Variants in EYS observed in about 807,000 individuals in gnomAD.
The protein encoded by EYS is EGF-like photoreceptor maintenance factor, also known as protein eyes shut homolog.
EYS carries 250 observed loss-of-function variants against 282.1 expected under a neutral mutation model. The observed-to-expected ratio is 0.89, with a 90% CI of 0.80 to 0.98. The LOEUF is 0.98. Ranked by LOEUF, EYS falls within the 50% of genes least tolerant of loss-of-function variation. The probability of loss-of-function intolerance (pLI) is 0.00; values close to 1 mark genes in which losing one functional copy is unlikely to be tolerated. For missense variants in EYS, 4,016 were observed against 3,709.0 expected (o/e 1.08, Z -2.15); for synonymous variants, 1,355 against 1,282.9 (o/e 1.06, Z -1.20).
chr6:63,928,780 A>G (rs930807337), intron 35 of EYS, among the ~76,000 whole-genome samples: 5 of 152,174 alleles, frequency 3.3e-5, no homozygotes, highest in African/African-American at 1.2e-4. Context: ...ACTCAGCTTA[A>G]TGATACCCTA....
chr6:64,069,225 C>G (rs759931101), intron 32 of EYS, among the ~76,000 whole-genome samples: 1 of 151,958 alleles, frequency 6.6e-6, no homozygotes, highest in Admixed American at 6.6e-5. Context: ...TTAATGGTAA[C>G]TTGGTATAGC....
At chr6:64,715,836 T>A (rs1429235255) in intron 22 of EYS, among the ~76,000 whole-genome samples, 5 of 152,228 alleles carry the variant, frequency 3.3e-5, no homozygotes. Context: ...CTTGAATTCG[T>A]TGAGCAGGTT....
At chr6:63,793,191 C>T (rs1334188772) in intron 37 of EYS, among the ~76,000 whole-genome samples, 1 of 152,162 alleles carries the variant, frequency 6.6e-6, no homozygotes, top group African/African-American at 2.4e-5. Flanking sequence ...CATCATTACT[C>T]CTACTACTTT....
chr6:63,833,999 C>A (rs1182391853), intron 36 of EYS, among the ~76,000 whole-genome samples: 1 of 152,174 alleles, frequency 6.6e-6, no homozygotes, highest in Admixed American at 6.5e-5. Flanking sequence ...GGAAAACTGG[C>A]TAGCCATATG....
intron 40 of EYS, among the ~76,000 whole-genome samples, chr6:63,768,614 A>C (rs1452217930): frequency 6.6e-6 from 1 of 150,434 alleles, no homozygotes; most frequent in East Asian, 1.9e-4. Context: ...GGGCACACTT[A>C]CACATTGCTA....
At chr6:64,279,266 A>C (rs572739431) in intron 30 of EYS, among the ~76,000 whole-genome samples, 83 of 152,340 alleles carry the variant, frequency 5.4e-4, no homozygotes, top group Middle Eastern at 6.8e-3. Flanking sequence ...TACTCAGCAA[A>C]AAGAATATTT....
chr6:65,177,400 T>A (rs1216386366), intron 12 of EYS, among the ~76,000 whole-genome samples: 1 of 151,934 alleles, frequency 6.6e-6, no homozygotes, highest in African/African-American at 2.4e-5. Flanking sequence ...TCTAATGTGT[T>A]AGAATAAATA....
intron 18 of EYS, among the ~76,000 whole-genome samples, chr6:64,896,652 G>A (rs575586723): frequency 1.3e-5 from 2 of 151,738 alleles, no homozygotes; most frequent in East Asian, 2.0e-4. Flanking sequence ...AAGTGGTCTT[G>A]CTCAGCAGAT....
chr6:64,098,657 G>A (rs1431092526), intron 31 of EYS, among the ~76,000 whole-genome samples: 1 of 151,226 alleles, frequency 6.6e-6, no homozygotes, highest in African/African-American at 2.4e-5. Context: ...CTGGAGTGCG[G>A]TGGTGCCATC....
chr6:65,340,594 A>C (rs1278810648), intron 10 of EYS, among the ~76,000 whole-genome samples: 1 of 151,248 alleles, frequency 6.6e-6, no homozygotes, highest in South Asian at 2.1e-4. Flanking sequence ...GATTCTCAGT[A>C]TATTGTGCCA....
At chr6:64,997,773 TA>T (rs1771319719) in intron 13 of EYS, 70 bp from the exon 14 acceptor site, 1 of 1,374,754 alleles carries the variant, frequency 7.3e-7, no homozygotes, top group Non-Finnish European at 9.9e-7. Context: ...ATAATTAGTC[TA>T]AAATTCTATA....
intron 26 of EYS, among the ~76,000 whole-genome samples, chr6:64,578,184 C>A (rs895970864): frequency 6.6e-6 from 1 of 152,032 alleles, no homozygotes; most frequent in Non-Finnish European, 1.5e-5. Flanking sequence ...AATTTCACTT[C>A]TCTGCTTAAA....
intron 33 of EYS, among the ~76,000 whole-genome samples, chr6:64,030,134 A>G (rs565074877): frequency 6.6e-6 from 1 of 152,306 alleles, no homozygotes; most frequent in East Asian, 1.9e-4. Flanking sequence ...AGAGACAGAG[A>G]GACAGAAAGT....
intron 34 of EYS, among the ~76,000 whole-genome samples, chr6:63,988,428 C>T (rs1404727897): frequency 6.6e-6 from 1 of 151,574 alleles, no homozygotes; most frequent in Admixed American, 6.6e-5. Flanking sequence ...CATTAAAAAA[C>T]ACCCAAACAA....
intron 22 of EYS, among the ~76,000 whole-genome samples, chr6:64,663,859 T>C (rs746969964): frequency 2.0e-5 from 3 of 152,148 alleles, no homozygotes; most frequent in Non-Finnish European, 4.4e-5. Context: ...GTAAGTGTTA[T>C]AGCTCTATTA....
intron 28 of EYS, among the ~76,000 whole-genome samples, chr6:64,395,148 A>G (rs1243140214): frequency 6.6e-6 from 1 of 152,044 alleles, no homozygotes; most frequent in Non-Finnish European, 1.5e-5. Context: ...GCTGGAGAGG[A>G]TGTAGAGAAA....
At chr6:64,401,499 CA>C (rs1773535604) in intron 28 of EYS, among the ~76,000 whole-genome samples, 1 of 151,808 alleles carries the variant, frequency 6.6e-6, no homozygotes, top group Admixed American at 6.6e-5. Flanking sequence ...TTATAAACAT[CA>C]ACTTAGATTT....
chr6:63,847,987 A>G (rs994281826), intron 36 of EYS, among the ~76,000 whole-genome samples: 5 of 152,220 alleles, frequency 3.3e-5, no homozygotes, highest in African/African-American at 1.2e-4. Context: ...ACCGAGTGAT[A>G]TATACATAAT....
At chr6:63,890,330 T>C (rs1238746941) in intron 35 of EYS, among the ~76,000 whole-genome samples, 1 of 152,150 alleles carries the variant, frequency 6.6e-6, no homozygotes, top group Non-Finnish European at 1.5e-5. Flanking sequence ...TATTCTAAAA[T>C]TGACCACATA....
Sources: gnomAD v4.1 joint callset for allele counts (sites outside exome capture counted in the v4.1 genomes callset) on GRCh38, gnomAD v4.1.1 for gene constraint, MANE v1.5 for transcripts, NCBI Gene and HGNC (gene_info 2026-07-23, HGNC 2026-07-21) for gene names.